Variants in STPG2 observed in about 807,000 individuals in gnomAD.
STPG2 encodes the protein sperm-tail PG-rich repeat-containing protein 2.
Under a neutral mutation model 54.2 loss-of-function variants are expected in STPG2, and 56 were observed. That is an observed-to-expected ratio of 1.03 (90% CI 0.83 to 1.29). The LOEUF (loss-of-function observed/expected upper bound fraction) is 1.29, where lower values mean the gene tolerates loss of function less well. Ranked by LOEUF, STPG2 falls within the 50% of genes most tolerant of loss-of-function variation. The probability of loss-of-function intolerance (pLI) is 0.00; values close to 1 mark genes in which losing one functional copy is unlikely to be tolerated. For synonymous variants in STPG2, 200 were observed against 181.8 expected (o/e 1.10, Z -0.81); for missense variants, 596 against 544.9 (o/e 1.09, Z -0.93).
At chr4:97,510,536 CTA>C (rs1443783631) in intron 4 of STPG2, among the ~76,000 whole-genome samples, 3 of 152,078 alleles carry the variant, frequency 2.0e-5, no homozygotes, top group African/African-American at 7.2e-5. Context: ...ACCTAAAACT[CTA>C]TAGTCTTGAG....
rs181887811 is a variant in STPG2 at position 97,548,010 on chromosome 4, C to T, written c.462+164689G>A. On this transcript the variant is annotated intron_variant, in intron 4 of 4. Transcript: ENST00000522676. The stretch of plus-strand genomic sequence containing the variant: ...TACTAAAAATATAAAATTAGCCGGG[C>T]GTGGTGGCGCATGCCTGTAATCCCA... Among the ~76,000 whole-genome samples, 210 of 152,014 alleles carry T rather than the reference C, an allele frequency of 1.4e-3. 2 individuals carry two copies. Among genetic ancestry groups the T allele is most frequent in the African/African-American group, 4.8e-3 (201 of 41,460 alleles).
intron 8 of STPG2, among the ~76,000 whole-genome samples, chr4:97,869,171 A>G (rs984815186): frequency 1.3e-5 from 2 of 151,814 alleles, no homozygotes; most frequent in African/African-American, 4.8e-5. Context: ...CTCAGTTGAT[A>G]CACAAAACAC....
At chr4:97,813,916 T>A (rs1727827965) in intron 9 of STPG2, among the ~76,000 whole-genome samples, 2 of 151,982 alleles carry the variant, frequency 1.3e-5, no homozygotes, top group South Asian at 4.1e-4. Context: ...ATTCAAGTAA[T>A]CAGAAAGTCA....
Position 98,128,421 on chromosome 4 carries a change from T to C in STPG2, c.387+7A>G. On this transcript the variant is annotated splice_region_variant and intron_variant, in intron 3 of 10. Transcript: ENST00000295268. ...CCAATTGTCAATATGAAATACATTATACTTACAAATTGAGGTTTGTAGTAT... is the reference window on the plus strand; with the variant it reads ...CCAATTGTCAATATGAAATACATTACACTTACAAATTGAGGTTTGTAGTAT... The C allele has an allele frequency of 1.3e-6, 2 of 1,585,868 alleles. No individual in the cohort carries two copies. Among genetic ancestry groups the C allele is most frequent in the Non-Finnish European group, 1.7e-6 (2 of 1,170,388 alleles).
chr4:97,696,396 TCTGAGAC>T (rs1344638669), intron 10 of STPG2, among the ~76,000 whole-genome samples: 1 of 152,222 alleles, frequency 6.6e-6, no homozygotes, highest in Non-Finnish European at 1.5e-5. Flanking sequence ...AAGTCTTGAA[TCTGAGAC>T]CTGAAACCAT....
chr4:97,815,010 G>A (rs1363776094), intron 9 of STPG2, among the ~76,000 whole-genome samples: 2 of 152,008 alleles, frequency 1.3e-5, no homozygotes, highest in Non-Finnish European at 1.5e-5. Flanking sequence ...TGTTATTAAG[G>A]TCAATGCAAA....
chr4:97,635,222 T>A (rs1271106470), intron 10 of STPG2, among the ~76,000 whole-genome samples: 1 of 152,108 alleles, frequency 6.6e-6, no homozygotes, highest in Non-Finnish European at 1.5e-5. Flanking sequence ...AACCCAGAAT[T>A]TCATATCCAG....
intron 5 of STPG2, among the ~76,000 whole-genome samples, chr4:98,102,486 T>C (rs933589827): frequency 6.6e-6 from 1 of 150,498 alleles, no homozygotes; most frequent in African/African-American, 2.5e-5. Context: ...CTGATCTCTT[T>C]CATCATCCAT....
At chr4:97,595,029 G>C (rs1372721975) in intron 10 of STPG2, among the ~76,000 whole-genome samples, 1 of 152,146 alleles carries the variant, frequency 6.6e-6, no homozygotes, top group Non-Finnish European at 1.5e-5. Flanking sequence ...AACCATTGTG[G>C]AAGTCAGTGT....
intron 5 of STPG2, among the ~76,000 whole-genome samples, chr4:97,998,615 G>A (rs1002824673): frequency 9.9e-5 from 15 of 152,202 alleles, no homozygotes; most frequent in Non-Finnish European, 1.6e-4. Flanking sequence ...GTCAAAATAC[G>A]AAACTACTAA....
chr4:97,778,020 A>G (rs1726437932), intron 9 of STPG2, among the ~76,000 whole-genome samples: 1 of 152,114 alleles, frequency 6.6e-6, no homozygotes, highest in Non-Finnish European at 1.5e-5. Flanking sequence ...TGCATTTCCA[A>G]ATGAGGTACT....
intron 8 of STPG2, 125 bp from the exon 9 acceptor site, chr4:97,841,057 T>C (rs1476752062): frequency 2.4e-5 from 22 of 919,510 alleles, no homozygotes; most frequent in Non-Finnish European, 1.5e-6. Context: ...TAATTAAACA[T>C]TAAAAATAGA....
At chr4:98,095,029 TAA>T (rs1206734108) in intron 5 of STPG2, among the ~76,000 whole-genome samples, 1 of 151,952 alleles carries the variant, frequency 6.6e-6, no homozygotes, top group Non-Finnish European at 1.5e-5. Context: ...AACAAAAAGT[TAA>T]AAAAACAGAG....
At chr4:97,850,999 T>C (rs1729143376) in intron 8 of STPG2, among the ~76,000 whole-genome samples, 1 of 152,350 alleles carries the variant, frequency 6.6e-6, no homozygotes, top group East Asian at 1.9e-4. Context: ...AAAAGCTTTC[T>C]GACCAGGGTT....
chr4:97,703,282 C>A (rs1344488733), intron 10 of STPG2, among the ~76,000 whole-genome samples: 1 of 150,894 alleles, frequency 6.6e-6, no homozygotes, highest in Non-Finnish European at 1.5e-5. Flanking sequence ...ACTCTAGAAC[C>A]CCAAAACCAG....
chr4:98,104,240 A>G (rs999022245), intron 5 of STPG2, among the ~76,000 whole-genome samples: 3 of 152,188 alleles, frequency 2.0e-5, no homozygotes, highest in African/African-American at 7.2e-5. Context: ...GCATTTTATA[A>G]GCCAAAAAAT....
chr4:97,580,519 CCTCT>C (rs1347558526), intron 10 of STPG2, among the ~76,000 whole-genome samples: 1 of 151,146 alleles, frequency 6.6e-6, no homozygotes, highest in African/African-American at 2.4e-5. Context: ...AACATTTCAC[CCTCT>C]CTGTCTCTCT....
At chr4:97,833,768 A>G (rs1363475035) in intron 9 of STPG2, among the ~76,000 whole-genome samples, 1 of 152,226 alleles carries the variant, frequency 6.6e-6, no homozygotes, top group African/African-American at 2.4e-5. Flanking sequence ...AAACCTCGTC[A>G]TCACTGGTCA....
chr4:97,923,809 GTGGAGAACTT>G (rs1373775809), intron 8 of STPG2, among the ~76,000 whole-genome samples: 3 of 152,150 alleles, frequency 2.0e-5, no homozygotes, highest in Non-Finnish European at 4.4e-5. Flanking sequence ...AGCTAATCTA[GTGGAGAACTT>G]TTATGTCTAG....
Sources: allele counts gnomAD v4.1 joint callset (sites outside exome capture counted in the v4.1 genomes callset), GRCh38; gene constraint gnomAD v4.1.1; transcripts MANE v1.5; gene names NCBI Gene and HGNC (gene_info 2026-07-23, HGNC 2026-07-21).